CMSS1: variants seen among roughly 807,000 people sequenced by gnomAD.
CMSS1 encodes protein CMSS1.
A neutral mutation model predicts 43.5 loss-of-function variants in CMSS1; 33 were observed. The ratio of observed to expected loss-of-function variants is 0.76; its 90% CI spans 0.57 to 1.01. CMSS1 has a LOEUF of 1.01. CMSS1 is among the 50% of genes least tolerant of loss of function. The probability of loss-of-function intolerance (pLI) is 0.00; values close to 1 mark genes in which losing one functional copy is unlikely to be tolerated. For synonymous variants in CMSS1, 115 were observed against 117.2 expected, an observed-to-expected ratio of 0.98 and a Z score of 0.12; for missense variants, 313 against 326.4, an observed-to-expected ratio of 0.96 and a Z score of 0.32.
intron 1 of CMSS1, among the ~76,000 whole-genome samples, chr3:100,098,007 G>A (rs1039992169): frequency 3.3e-5 from 5 of 152,192 alleles, no homozygotes; most frequent in African/African-American, 1.2e-4. Context: ...GCTAGGCATA[G>A]TAATGGTACG....
At chr3:100,087,884 G>T (rs1485376775) in intron 1 of CMSS1, among the ~76,000 whole-genome samples, 1 of 144,056 alleles carries the variant, frequency 6.9e-6, no homozygotes, top group African/African-American at 2.6e-5. Flanking sequence ...AGGCTGGAGT[G>T]CAGTGGCAAG....
intron 1 of CMSS1, among the ~76,000 whole-genome samples, chr3:100,007,435 G>A (rs1022884608): frequency 1.3e-5 from 2 of 152,068 alleles, no homozygotes; most frequent in Non-Finnish European, 2.9e-5. Context: ...AACCTTGCTT[G>A]TATATCTCCC....
chr3:100,093,725 A>G (rs2066154081), intron 1 of CMSS1, among the ~76,000 whole-genome samples: 1 of 152,200 alleles, frequency 6.6e-6, no homozygotes, highest in South Asian at 2.1e-4. Context: ...TCTCTCCTGA[A>G]ACCCTGGCAA....
intron 1 of CMSS1, among the ~76,000 whole-genome samples, chr3:99,929,401 C>T (rs1295967248): frequency 6.6e-6 from 1 of 152,106 alleles, no homozygotes; most frequent in Non-Finnish European, 1.5e-5. Flanking sequence ...AGATTATTTC[C>T]ATTCATGTTC....
intron 1 of CMSS1, chr3:99,833,258 C>A: frequency 6.2e-7 from 1 of 1,610,920 alleles, no homozygotes; most frequent in South Asian, 1.1e-5. Flanking sequence ...AGAAGTGGTT[C>A]CACCTAGGGA....
At chr3:100,077,959 A>G (rs1013956256) in intron 1 of CMSS1, among the ~76,000 whole-genome samples, 4 of 152,182 alleles carry the variant, frequency 2.6e-5, no homozygotes, top group Admixed American at 2.0e-4. Context: ...TAGGACACCC[A>G]GTTTCACTTA....
At chr3:99,830,307 G>C (rs955650468) in intron 1 of CMSS1, 1 of 349,202 alleles carries the variant, frequency 2.9e-6, no homozygotes, top group Admixed American at 3.8e-5. Flanking sequence ...CCACAAAGCT[G>C]CTTCACCATT....
At chr3:99,906,859 C>T (rs188022428) in intron 1 of CMSS1, among the ~76,000 whole-genome samples, 1 of 152,206 alleles carries the variant, frequency 6.6e-6, no homozygotes, top group Non-Finnish European at 1.5e-5. Context: ...TTTCCCCACC[C>T]ATGCCCTAAC....
At chr3:100,030,749 G>C (rs565721274) in intron 1 of CMSS1, among the ~76,000 whole-genome samples, 13 of 152,106 alleles carry the variant, frequency 8.5e-5, no homozygotes, top group Non-Finnish European at 1.6e-4. Context: ...TTAGCAAAAG[G>C]GAGATTGGTG....
chr3:99,883,384 CTATAT>C (rs1250761133), intron 1 of CMSS1, among the ~76,000 whole-genome samples: 34 of 152,238 alleles, frequency 2.2e-4, no homozygotes, highest in Non-Finnish European at 1.6e-4. Context: ...TCAGTTATTC[CTATAT>C]TATATCATTT....
At chr3:100,139,834 A>G (rs1011868186) in intron 1 of CMSS1, among the ~76,000 whole-genome samples, 1 of 150,768 alleles carries the variant, frequency 6.6e-6, no homozygotes, top group Non-Finnish European at 1.5e-5. Flanking sequence ...ACAAGTTTCT[A>G]TAAATAAAGT....
chr3:99,993,324 GT>G (rs1334185195), intron 1 of CMSS1, among the ~76,000 whole-genome samples: 1 of 151,916 alleles, frequency 6.6e-6, no homozygotes, highest in African/African-American at 2.4e-5. Context: ...ACTTCTTTCA[GT>G]TTTGGAGCTT....
intron 1 of CMSS1, among the ~76,000 whole-genome samples, chr3:99,968,902 C>A (rs1708732602): frequency 6.6e-6 from 1 of 151,958 alleles, no homozygotes. Flanking sequence ...TCTTTCAAGT[C>A]ACTTGCCTTA....
intron 1 of CMSS1, among the ~76,000 whole-genome samples, chr3:99,877,027 A>G (rs1336048127): frequency 1.3e-5 from 2 of 152,232 alleles, no homozygotes; most frequent in Non-Finnish European, 2.9e-5. Context: ...GCCAAATGTG[A>G]TTGAATTAAG....
At chr3:99,981,898 G>A (rs1709135612) in intron 1 of CMSS1, among the ~76,000 whole-genome samples, 1 of 152,182 alleles carries the variant, frequency 6.6e-6, no homozygotes, top group African/African-American at 2.4e-5. Flanking sequence ...CAGCAAGGCG[G>A]GAGGATCGCT....
Position 99,880,984 on chromosome 3 carries a change from G to A in CMSS1, c.64+62941G>A, listed in dbSNP as rs1300894641. On this transcript the variant is annotated intron_variant, in intron 1 of 9. Transcript: ENST00000421999. ...GACATTGGGCTATTTAAAAGCGCAT[G>A]TTTACATATTCTCCCTAGCATTGGT... is the stretch of plus-strand genomic sequence containing the variant. Among the ~76,000 whole-genome samples the A allele has an allele frequency of 2.6e-5, 4 of 152,064 alleles. No homozygotes were observed. The South Asian group carries it at 8.3e-4, about 31-fold the overall frequency.
chr3:100,125,239 T>G (rs1439436831), intron 1 of CMSS1, among the ~76,000 whole-genome samples: 1 of 152,222 alleles, frequency 6.6e-6, no homozygotes, highest in East Asian at 1.9e-4. Context: ...TGACGGAACA[T>G]AACTCAATTT....
intron 1 of CMSS1, among the ~76,000 whole-genome samples, chr3:100,104,544 C>G (rs1283295548): frequency 6.6e-6 from 1 of 152,132 alleles, no homozygotes; most frequent in Non-Finnish European, 1.5e-5. Context: ...GGCCTGTGTT[C>G]CCAAGACCCA....
At chr3:100,018,570 A>G (rs540850275) in intron 1 of CMSS1, among the ~76,000 whole-genome samples, 1 of 152,276 alleles carries the variant, frequency 6.6e-6, no homozygotes, top group South Asian at 2.1e-4. Flanking sequence ...TGAATTAAAG[A>G]CTAAAACTTA....
Sources: allele counts gnomAD v4.1 joint callset (sites outside exome capture counted in the v4.1 genomes callset), GRCh38; gene constraint gnomAD v4.1.1; transcripts MANE v1.5; gene names NCBI Gene and HGNC (gene_info 2026-07-23, HGNC 2026-07-21).